The following KIFAP3 variants were observed in gnomAD, a reference collection of about 807,000 sequenced individuals.
KIFAP3 encodes the protein kinesin associated protein 3.
A neutral mutation model predicts 106.5 loss-of-function variants in KIFAP3; 68 were observed. The ratio of observed to expected loss-of-function variants is 0.64; its 90% CI spans 0.53 to 0.78. The LOEUF (loss-of-function observed/expected upper bound fraction) is 0.78, where lower values mean the gene tolerates loss of function less well. Ranked by LOEUF, KIFAP3 falls within the 30% of genes least tolerant of loss-of-function variation. The pLI, the probability that KIFAP3 is intolerant of heterozygous loss-of-function variation, is 0.00. For synonymous variants in KIFAP3, 320 were observed against 311.5 expected (o/e 1.03, Z -0.29); for missense variants, 780 against 941.8 (o/e 0.83, Z 2.25).
At position 170,062,191 on chromosome 1, in the gene KIFAP3, A is replaced by G. The variant is rs553934296; in HGVS notation, c.33-6755T>C. Among the ~76,000 whole-genome samples, 8 of 151,576 alleles carry G rather than the reference A, an allele frequency of 5.3e-5. No individual in the cohort carries two copies. The South Asian group carries it at 1.7e-3, about 32-fold the overall frequency. On this transcript the variant is annotated intron_variant, in intron 1 of 19. Coordinates refer to ENST00000361580, the MANE Select transcript of KIFAP3 (RefSeq NM_014970.4). The stretch of plus-strand genomic sequence containing the variant: ...AAAAAAGAGTAAAATAAATAAATAA[A>G]ATAAAACCACAATGAGATACCATCA...
intron 8 of KIFAP3, among the ~76,000 whole-genome samples, chr1:170,026,012 T>C (rs1473996027): frequency 6.6e-6 from 1 of 152,044 alleles, no homozygotes; most frequent in African/African-American, 2.4e-5. Context: ...ATGAGTGGTG[T>C]CTTAAGAAGA....
At chr1:169,922,846 A>G (rs1662898603) in intron 19 of KIFAP3, among the ~76,000 whole-genome samples, 1 of 152,240 alleles carries the variant, frequency 6.6e-6, no homozygotes, top group African/African-American at 2.4e-5. Context: ...CCTCAATAGC[A>G]AAAACTGAAT....
chr1:170,076,345 G>C (rs1671913013), upstream of KIFAP3, among the ~76,000 whole-genome samples: 1 of 152,130 alleles, frequency 6.6e-6, no homozygotes, highest in Non-Finnish European at 1.5e-5. Flanking sequence ...GTCTGTGGCA[G>C]GAAAAGTACA....
rs994644783 is a variant in KIFAP3, at chr1:169,989,961, T to C, written c.1284+2194A>G. Reference sequence around the variant, plus strand: ...ATAATTCTTTTTAGACAAGGAATTATGTAGTAGGAGTCAAGAGGAATTACC... The same window carrying C: ...ATAATTCTTTTTAGACAAGGAATTACGTAGTAGGAGTCAAGAGGAATTACC... On this transcript the variant is annotated intron_variant, in intron 11 of 19. Coordinates refer to ENST00000361580, the MANE Select transcript of KIFAP3 (RefSeq NM_014970.4). The C allele has an allele frequency of 3.2e-6, 4 of 1,232,984 alleles. No homozygotes were observed. The South Asian group carries it at 4.4e-5, about 14-fold the overall frequency. The allele number at this position is 1,232,984 out of a possible 1,614,324, so 76.4% of individuals were successfully genotyped here.
chr1:170,013,914 A>G (rs1668376714), intron 10 of KIFAP3, among the ~76,000 whole-genome samples: 1 of 152,188 alleles, frequency 6.6e-6, no homozygotes, highest in South Asian at 2.1e-4. Context: ...CTGTTCCGTC[A>G]CACTTCTCTA....
chr1:170,025,493 G>A (rs1327544121), intron 8 of KIFAP3, among the ~76,000 whole-genome samples: 1 of 152,018 alleles, frequency 6.6e-6, no homozygotes, highest in Admixed American at 6.6e-5. Context: ...ATATACATAA[G>A]TAGATAAATA....
At chr1:170,035,062 T>C (rs1242100892) in intron 6 of KIFAP3, among the ~76,000 whole-genome samples, 14 of 152,000 alleles carry the variant, frequency 9.2e-5, no homozygotes, top group Admixed American at 9.2e-4. Flanking sequence ...GTATAAATAA[T>C]AAATACAATA....
At chr1:169,961,279 AC>A (rs1665317009) in intron 17 of KIFAP3, 44 bp from the exon 18 acceptor site, 1 of 1,486,378 alleles carries the variant, frequency 6.7e-7, no homozygotes, top group South Asian at 1.2e-5. Flanking sequence ...AAGCTAACTC[AC>A]TTGGCACTCA....
chr1:170,080,466 G>A (rs1672002865), intron 1 of KIFAP3, among the ~76,000 whole-genome samples: 1 of 151,810 alleles, frequency 6.6e-6, no homozygotes, highest in African/African-American at 2.4e-5. Flanking sequence ...CAATTTTGAA[G>A]AACAAATTTG....
chr1:170,080,225 T>G (rs2102193650), intron 1 of KIFAP3, among the ~76,000 whole-genome samples: 1 of 152,156 alleles, frequency 6.6e-6, no homozygotes, highest in Non-Finnish European at 1.5e-5. Context: ...GTTCAAGACC[T>G]ATGCACTGAA....
At chr1:170,022,125 T>G (rs903899368) in intron 9 of KIFAP3, among the ~76,000 whole-genome samples, 1 of 151,702 alleles carries the variant, frequency 6.6e-6, no homozygotes, top group Non-Finnish European at 1.5e-5. Context: ...AATTTTTGTA[T>G]TTTTAGTAGA....
intron 15 of KIFAP3, among the ~76,000 whole-genome samples, chr1:169,979,069 T>A (rs1666374442): frequency 6.6e-6 from 1 of 152,170 alleles, no homozygotes; most frequent in Non-Finnish European, 1.5e-5. Context: ...CTGCCTGTGA[T>A]AATCTCATGT....
intron 19 of KIFAP3, among the ~76,000 whole-genome samples, chr1:169,940,016 A>G (rs1664020767): frequency 6.6e-6 from 1 of 152,232 alleles, no homozygotes; most frequent in Non-Finnish European, 1.5e-5. Flanking sequence ...ATTTATGTTT[A>G]TATGTTGACA....
chr1:169,944,413 G>A (rs1664312577), intron 19 of KIFAP3, among the ~76,000 whole-genome samples: 2 of 152,186 alleles, frequency 1.3e-5, no homozygotes, highest in African/African-American at 4.8e-5. Context: ...GGGAACCGCA[G>A]AGCCCCACAG....
chr1:169,964,599 C>T (rs1410378768), intron 17 of KIFAP3, among the ~76,000 whole-genome samples: 2 of 152,056 alleles, frequency 1.3e-5, no homozygotes, highest in Non-Finnish European at 2.9e-5. Flanking sequence ...TAATATTATC[C>T]TATCGTATTC....
intron 8 of KIFAP3, among the ~76,000 whole-genome samples, chr1:170,031,001 T>C (rs1669378775): frequency 6.6e-6 from 1 of 151,880 alleles, no homozygotes; most frequent in Non-Finnish European, 1.5e-5. Flanking sequence ...AATATTTGCA[T>C]AAATATTTGG....
At chr1:169,991,004 G>A (rs1667069611) in intron 11 of KIFAP3, among the ~76,000 whole-genome samples, 1 of 151,876 alleles carries the variant, frequency 6.6e-6, no homozygotes, top group South Asian at 2.1e-4. Flanking sequence ...TATATACATT[G>A]ATCTTATTTG....
chr1:170,079,953 C>A (rs11579254), intron 1 of KIFAP3, among the ~76,000 whole-genome samples: 1 of 151,284 alleles, frequency 6.6e-6, no homozygotes, highest in East Asian at 1.9e-4. Flanking sequence ...ATTATCCCTA[C>A]GTATTTATTG....
intron 1 of KIFAP3, among the ~76,000 whole-genome samples, chr1:170,061,895 G>C (rs1048990621): frequency 3.9e-5 from 6 of 152,180 alleles, no homozygotes; most frequent in East Asian, 1.9e-4. Context: ...CCATCATTCT[G>C]AGCAAACTGT....
Sources: gnomAD v4.1 joint callset for allele counts (sites outside exome capture counted in the v4.1 genomes callset) on GRCh38, gnomAD v4.1.1 for gene constraint, MANE v1.5 for transcripts, NCBI Gene and HGNC (gene_info 2026-07-23, HGNC 2026-07-21) for gene names.